Variants in PMM2 observed in about 807,000 individuals in gnomAD.
PMM2 encodes the protein mannose-6-phosphate isomerase.
A neutral mutation model predicts 33.2 loss-of-function variants in PMM2; 35 were observed. That is an observed-to-expected ratio of 1.06 (90% CI 0.81 to 1.40). The LOEUF (loss-of-function observed/expected upper bound fraction) is 1.40, where lower values mean the gene tolerates loss of function less well. PMM2 is among the 40% of genes most tolerant of loss of function. PMM2 has a pLI of 0.00. For missense variants in PMM2, 386 were observed against 306.0 expected, an observed-to-expected ratio of 1.26 and a Z score of -1.95; for synonymous variants, 153 against 114.7, an observed-to-expected ratio of 1.33 and a Z score of -2.13.
chr16:8,800,532 A>G (rs2141015983), intron 1 of PMM2, among the ~76,000 whole-genome samples: 1 of 152,270 alleles, frequency 6.6e-6, no homozygotes, highest in Non-Finnish European at 1.5e-5. Context: ...TTACCATAAG[A>G]TTATACCACT....
chr16:8,840,683 G>T (rs1266363275), intron 7 of PMM2, among the ~76,000 whole-genome samples: 1 of 151,924 alleles, frequency 6.6e-6, no homozygotes, highest in East Asian at 1.9e-4. Flanking sequence ...GAGGGATTAG[G>T]CTGGCTGTCC....
At chr16:8,835,646 T>C (rs2060840804) in intron 7 of PMM2, among the ~76,000 whole-genome samples, 1 of 152,056 alleles carries the variant, frequency 6.6e-6, no homozygotes, top group South Asian at 2.1e-4. Flanking sequence ...CTGTAAGCCT[T>C]GTCTGGTTTT....
At chr16:8,827,742 A>G (rs1487960258) in intron 7 of PMM2, among the ~76,000 whole-genome samples, 1 of 31,650 alleles carries the variant, frequency 3.2e-5, no homozygotes, top group Non-Finnish European at 6.6e-5. Context: ...ATATATATAT[A>G]TATATATATA....
intron 7 of PMM2, among the ~76,000 whole-genome samples, chr16:8,846,951 C>G (rs895800642): frequency 6.6e-6 from 1 of 152,094 alleles, no homozygotes; most frequent in African/African-American, 2.4e-5. Context: ...GCAACTTCCA[C>G]CTCCCGAGTT....
intron 7 of PMM2, among the ~76,000 whole-genome samples, chr16:8,821,245 A>G (rs2060737630): frequency 6.6e-6 from 1 of 152,116 alleles, no homozygotes; most frequent in African/African-American, 2.4e-5. Context: ...TGACTGGCAG[A>G]AATTGATGAG....
At chr16:8,840,014 C>T (rs566512238) in intron 7 of PMM2, among the ~76,000 whole-genome samples, 8 of 151,896 alleles carry the variant, frequency 5.3e-5, no homozygotes, top group African/African-American at 1.4e-4. Flanking sequence ...AGGGCTGTTA[C>T]AGGAAGTTCG....
chr16:8,847,874 A>G lies in PMM2; in HGVS notation c.*49A>G, dbSNP rs1177250496. On this transcript the variant is annotated 3_prime_UTR_variant, in exon 8 of 8. Transcript: ENST00000268261. ...CCCGGCTGACAAGCCAGCATAGGGC[A>G]TTCGGTGGCCAGAGCCGAGGGTCCT... The G allele has an allele frequency of 1.4e-6, 2 of 1,426,394 alleles. No homozygotes were observed. The highest frequency in any genetic ancestry group is 2.0e-6 in the Non-Finnish European group (2 of 1,015,590). The allele number at this position is 1,426,394 out of a possible 1,614,324, so 88.4% of individuals were successfully genotyped here. A position where few individuals can be genotyped will look rare whatever the true frequency, so the allele number is the denominator to read the frequency against.
At chr16:8,832,853 C>T (rs1397153297) in intron 7 of PMM2, 3 of 985,312 alleles carry the variant, frequency 3.0e-6, no homozygotes, top group Admixed American at 6.1e-5. Context: ...GCCACATGGC[C>T]TGTGCCCTCA....
intron 7 of PMM2, among the ~76,000 whole-genome samples, chr16:8,830,603 G>A (rs887802593): frequency 3.5e-4 from 54 of 152,250 alleles, no homozygotes; most frequent in East Asian, 1.5e-3. Context: ...TCTGGGTGGC[G>A]TCAACTGCTG....
In PMM2 at chr16:8,813,034, G is replaced by T. The variant is rs906707531; in HGVS notation, c.567G>T (p.Lys189Asn). Residue 189 changes from lysine (K) to asparagine (N), a missense_variant, in exon 7 of 8, where the codon AAG becomes AAT. Transcript: ENST00000268261. ...ATGTCTTTCCTGATGGATGGGACAA[G>T]AGATACTGTCTGCGACATGTGGAAA... ...SFDVFPDGWDKRYCLRHVEND... is the reference protein window; with the variant it reads ...SFDVFPDGWDNRYCLRHVEND... 1.2e-6 allele frequency: 2 copies of T among 1,613,770 alleles called. No homozygotes were observed. The highest frequency in any genetic ancestry group is 2.7e-5 in the African/African-American group (2 of 74,940).
In PMM2 at chr16:8,811,608, A is replaced by C. The variant is rs375265112; in HGVS notation, c.448-30A>C. On this transcript the variant is annotated intron_variant, in intron 5 of 7. Transcript: ENST00000268261. The stretch of plus-strand genomic sequence containing the variant: ...TGTGCTTTCTAAACTGCAATACAAG[A>C]AACAATTGGTATCTTTTTGTTTTTC... 2,798 of 1,420,026 alleles carry C rather than the reference A, an allele frequency of 2.0e-3. 5 individuals carry two copies. The highest frequency in any genetic ancestry group is 2.6e-3 in the Non-Finnish European group (2,635 of 1,002,880). The allele number at this position is 1,420,026 out of a possible 1,614,324, so 88.0% of individuals were successfully genotyped here.
intron 7 of PMM2, among the ~76,000 whole-genome samples, chr16:8,833,459 A>C (rs1463132367): frequency 6.6e-6 from 1 of 152,156 alleles, no homozygotes; most frequent in Non-Finnish European, 1.5e-5. Flanking sequence ...TTGGGCTCAG[A>C]GGCCTGACAT....
chr16:8,801,939 G>C (rs1310360039), intron 2 of PMM2, 29 bp downstream of exon 2: 1 of 1,411,672 alleles, frequency 7.1e-7, no homozygotes, highest in South Asian at 1.2e-5. Context: ...ATTACATCTG[G>C]TAAAAGATTA....
At chr16:8,812,938 C>A in intron 6 of PMM2, 53 bp from the exon 7 acceptor site, 3 of 981,298 alleles carry the variant, frequency 3.1e-6, no homozygotes, top group Non-Finnish European at 3.3e-6. Context: ...AGTGACATAT[C>A]ATTAGCCCCT....
chr16:8,817,541 GAT>G (rs1292138013), intron 7 of PMM2, among the ~76,000 whole-genome samples: 1 of 152,186 alleles, frequency 6.6e-6, no homozygotes, highest in Non-Finnish European at 1.5e-5. Context: ...GCAGTTCTTG[GAT>G]AATCAGAAAA....
Position 8,804,693 on chromosome 16 carries a change from C to T in PMM2, c.179-74C>T, listed in dbSNP as rs141896135. The T allele has an allele frequency of 4.4e-5, 42 of 954,382 alleles. No homozygotes were observed. In the East Asian group the frequency reaches 1.0e-3, roughly 23 times the overall value. The allele number at this position is 954,382 out of a possible 1,614,324, so 59.1% of individuals were successfully genotyped here. ...GGAGTTTAGCGGTTTTATTGGTGGT[C>T]ATTGTTAATCAAGGAGTAAAAACAC... On this transcript the variant is annotated intron_variant, in intron 2 of 7. Transcript: ENST00000268261.
intron 7 of PMM2, among the ~76,000 whole-genome samples, chr16:8,831,165 A>T (rs1382213349): frequency 6.6e-6 from 1 of 152,234 alleles, no homozygotes; most frequent in Admixed American, 6.5e-5. Flanking sequence ...AAGTTGAACT[A>T]TAAACTGAAT....
Position 8,835,800 on chromosome 16 carries a change from T to A in PMM2, c.640-11924T>A, listed in dbSNP as rs548271493. 5.9e-5 allele frequency among the ~76,000 whole-genome samples: 9 copies of A among 151,994 alleles called. No individual in the cohort carries two copies. In the East Asian group the frequency reaches 1.5e-3, roughly 26 times the overall value. ...GAGTGGGGTAAGGGTGATTAGGTTT[T>A]AATGAGATGGTAAGGGGTGCATGAT... On this transcript the variant is annotated intron_variant, in intron 7 of 7. Coordinates refer to ENST00000268261, the MANE Select transcript of PMM2 (RefSeq NM_000303.3).
At chr16:8,822,404 C>G (rs2060743570) in intron 7 of PMM2, among the ~76,000 whole-genome samples, 1 of 152,150 alleles carries the variant, frequency 6.6e-6, no homozygotes, top group Non-Finnish European at 1.5e-5. Context: ...GTTAGTCCTA[C>G]AAAGGCAGAC....
Sources: gnomAD v4.1 joint callset for allele counts (sites outside exome capture counted in the v4.1 genomes callset) on GRCh38, gnomAD v4.1.1 for gene constraint, MANE v1.5 for transcripts, NCBI Gene and HGNC (gene_info 2026-07-23, HGNC 2026-07-21) for gene names.